GCNT2: variants seen among roughly 807,000 people sequenced by gnomAD.
The protein encoded by GCNT2 is N-acetyllactosaminide beta-1,6-N-acetylglucosaminyl-transferase.
GCNT2 carries 34 observed loss-of-function variants against 34.2 expected under a neutral mutation model. The observed-to-expected ratio is 1.00, with a 90% confidence interval of 0.76 to 1.32. The LOEUF is 1.32. Among genes scored for constraint, GCNT2 ranks in the 40% most tolerant of loss-of-function variants. The pLI is 0.00. For synonymous variants in GCNT2, 212 were observed against 188.0 expected (o/e 1.13, Z -1.04); for missense variants, 584 against 489.4 (o/e 1.19, Z -1.82).
chr6:10,597,606 G>C (rs1298360287), intron 3 of GCNT2, among the ~76,000 whole-genome samples: 3 of 151,146 alleles, frequency 2.0e-5, no homozygotes, highest in Non-Finnish European at 1.5e-5. Flanking sequence ...CCAAGGCTAT[G>C]AGGGTTTTTG....
intron 3 of GCNT2, among the ~76,000 whole-genome samples, chr6:10,538,912 C>G (rs1489718972): frequency 6.6e-6 from 1 of 151,964 alleles, no homozygotes; most frequent in Admixed American, 6.6e-5. Flanking sequence ...ATGTTTCTTC[C>G]TATGGGGACC....
At chr6:10,537,230 A>G (rs1324761090) in intron 3 of GCNT2, among the ~76,000 whole-genome samples, 1 of 152,120 alleles carries the variant, frequency 6.6e-6, no homozygotes, top group Non-Finnish European at 1.5e-5. Flanking sequence ...TTTGCTAACC[A>G]TTGTCTTCCC....
chr6:10,582,463 A>ATATAATATATAC (rs58750043), intron 3 of GCNT2, among the ~76,000 whole-genome samples: 3 of 118,674 alleles, frequency 2.5e-5, no homozygotes, highest in Non-Finnish European at 4.8e-5. Flanking sequence ...TATATAATAA[A>ATATAATATATAC]TATAATATAT....
intron 3 of GCNT2, among the ~76,000 whole-genome samples, chr6:10,548,068 G>T (rs1762342230): frequency 6.6e-6 from 1 of 152,070 alleles, no homozygotes; most frequent in African/African-American, 2.4e-5. Context: ...TTTCCAAGAA[G>T]GAAGCCCTGG....
At chr6:10,604,923 G>A (rs1036492223) in intron 3 of GCNT2, among the ~76,000 whole-genome samples, 1 of 151,218 alleles carries the variant, frequency 6.6e-6, no homozygotes, top group Non-Finnish European at 1.5e-5. Flanking sequence ...TTCAATAAAA[G>A]ACTTCTATGA....
intron 3 of GCNT2, among the ~76,000 whole-genome samples, chr6:10,565,705 TTCC>T (rs1320010849): frequency 6.6e-6 from 1 of 152,138 alleles, no homozygotes; most frequent in African/African-American, 2.4e-5. Flanking sequence ...TGGTAAATTC[TTCC>T]TGGTAAATTC....
intron 3 of GCNT2, among the ~76,000 whole-genome samples, chr6:10,596,164 C>T (rs947834939): frequency 6.6e-6 from 1 of 152,104 alleles, no homozygotes; most frequent in Non-Finnish European, 1.5e-5. Context: ...TTTTCAGCAA[C>T]AAAGCTGAAT....
rs571266440 is a variant in GCNT2 at position 10,585,787 on chromosome 6, C to T, written c.926-35564C>T. ...AGACCAAAGTGAGAGAGGGACGCAC[C>T]GCATCTCCAGGCACATCCAAAAAGG... On this transcript the variant is annotated intron_variant, in intron 3 of 4. Transcript: ENST00000495262. 82 of 1,434,652 alleles carry T rather than the reference C, an allele frequency of 5.7e-5. 1 individual carries two copies. The South Asian group carries it at 6.9e-4, about 12-fold the overall frequency. The allele number at this position is 1,434,652 out of a possible 1,614,324, so 88.9% of individuals were successfully genotyped here. A position where few individuals can be genotyped will look rare whatever the true frequency, so the allele number is the denominator to read the frequency against.
At chr6:10,532,914 CTTTTTTTTT>C (rs67442555) in intron 3 of GCNT2, among the ~76,000 whole-genome samples, 1 of 85,402 alleles carries the variant, frequency 1.2e-5, no homozygotes, top group Admixed American at 1.4e-4. Context: ...GTGGTTTTTG[CTTTTTTTTT>C]TTTTTTTTTT....
chr6:10,614,644 A>AAAAAAAAAG (rs1214651898), intron 3 of GCNT2, among the ~76,000 whole-genome samples: 9 of 143,978 alleles, frequency 6.3e-5, no homozygotes, highest in African/African-American at 2.4e-4. Context: ...AAAAAAAAAA[A>AAAAAAAAAG]AGAGAAAAAG....
chr6:10,549,210 C>T (rs1762385618), intron 3 of GCNT2, among the ~76,000 whole-genome samples: 1 of 152,168 alleles, frequency 6.6e-6, no homozygotes, highest in Non-Finnish European at 1.5e-5. Flanking sequence ...CATTTTTCAG[C>T]CCAAAATGCC....
At chr6:10,531,341 C>T (rs554238673) in intron 3 of GCNT2, among the ~76,000 whole-genome samples, 1 of 152,276 alleles carries the variant, frequency 6.6e-6, no homozygotes, top group South Asian at 2.1e-4. Context: ...TTCATATTTG[C>T]AGTTCAAAGG....
intron 2 of GCNT2, 147 bp from the exon 3 acceptor site, chr6:10,528,483 TA>T (rs1315073595): frequency 4.1e-6 from 1 of 245,056 alleles, no homozygotes; most frequent in Non-Finnish European, 8.0e-6. Flanking sequence ...ACATAGTTAC[TA>T]GACTCTGGCC....
intron 3 of GCNT2, among the ~76,000 whole-genome samples, chr6:10,563,452 T>C (rs889220345): frequency 1.3e-5 from 2 of 152,090 alleles, no homozygotes; most frequent in Admixed American, 6.5e-5. Context: ...GATGAAAATA[T>C]GTGACTTAGC....
chr6:10,552,625 A>G (rs1362492845), intron 3 of GCNT2, among the ~76,000 whole-genome samples: 3 of 152,210 alleles, frequency 2.0e-5, no homozygotes, highest in South Asian at 2.1e-4. Context: ...CATAGGTTAT[A>G]TGCAAATACT....
chr6:10,627,258 G>A lies in GCNT2; in HGVS notation c.*651G>A, dbSNP rs535355990. 2.0e-5 allele frequency: 3 copies of A among 152,618 alleles called. No individual in the cohort carries two copies. Among genetic ancestry groups the A allele is most frequent in the African/African-American group, 7.2e-5 (3 of 41,548 alleles). 9.5% of individuals were successfully genotyped at this position (152,618 alleles called of 1,614,324 possible). Reference sequence around the variant, plus strand: ...TCTGTTGCTTCAGTAAAAGGACCTCGGGGAATAAAACATTTCTCTCTTATA... The same window carrying A: ...TCTGTTGCTTCAGTAAAAGGACCTCAGGGAATAAAACATTTCTCTCTTATA... On this transcript the variant is annotated 3_prime_UTR_variant, in exon 5 of 5. Transcript: ENST00000495262.
chr6:10,560,961 T>C (rs1762951444), intron 3 of GCNT2, among the ~76,000 whole-genome samples: 1 of 152,100 alleles, frequency 6.6e-6, no homozygotes. Flanking sequence ...TCCCTTCTGC[T>C]TACATTCTCA....
At chr6:10,590,132 T>C (rs375224551) in intron 3 of GCNT2, among the ~76,000 whole-genome samples, 3 of 152,098 alleles carry the variant, frequency 2.0e-5, no homozygotes, top group Admixed American at 6.6e-5. Flanking sequence ...GCAAGGTGGC[T>C]CCCACCCATA....
chr6:10,554,169 T>C (rs531611528), intron 3 of GCNT2, among the ~76,000 whole-genome samples: 25 of 152,206 alleles, frequency 1.6e-4, no homozygotes, highest in Non-Finnish European at 3.2e-4. Flanking sequence ...AAGCAGGTTG[T>C]ACAGCCTATT....
Sources: gnomAD v4.1 joint callset for allele counts (sites outside exome capture counted in the v4.1 genomes callset) on GRCh38, gnomAD v4.1.1 for gene constraint, MANE v1.5 for transcripts, NCBI Gene and HGNC (gene_info 2026-07-23, HGNC 2026-07-21) for gene names.